CADM2: variants seen among roughly 807,000 people sequenced by gnomAD.
The protein encoded by CADM2 is immunoglobulin superfamily member 4D.
Under a neutral mutation model 49.8 loss-of-function variants are expected in CADM2, and 12 were observed. The ratio of observed to expected loss-of-function variants is 0.24; its 90% CI spans 0.15 to 0.39. The LOEUF is 0.39. CADM2 is among the 10% of genes least tolerant of loss of function. CADM2 has a pLI of 1.00. For missense variants in CADM2, 378 were observed against 492.3 expected (o/e 0.77, Z 2.20); for synonymous variants, 214 against 175.4 (o/e 1.22, Z -1.74).
At chr3:85,958,089 C>A (rs2108605553) in intron 7 of CADM2, among the ~76,000 whole-genome samples, 1 of 152,032 alleles carries the variant, frequency 6.6e-6, no homozygotes, top group East Asian at 2.0e-4. Context: ...GGAGCTTAAA[C>A]CAATTTACAA....
At chr3:85,423,299 G>A (rs1218988120) in intron 1 of CADM2, among the ~76,000 whole-genome samples, 1 of 152,060 alleles carries the variant, frequency 6.6e-6, no homozygotes, top group African/African-American at 2.4e-5. Context: ...GGGGAGGGGT[G>A]GTGGTGCGTG....
At chr3:85,152,431 G>A (rs1462376874) in intron 1 of CADM2, among the ~76,000 whole-genome samples, 1 of 152,122 alleles carries the variant, frequency 6.6e-6, no homozygotes, top group Non-Finnish European at 1.5e-5. Flanking sequence ...GGTGCTGACT[G>A]AGACGATTTC....
intron 7 of CADM2, among the ~76,000 whole-genome samples, chr3:85,961,261 C>T (rs1724778122): frequency 6.6e-6 from 1 of 151,442 alleles, no homozygotes; most frequent in Admixed American, 6.6e-5. Flanking sequence ...TACATATCTG[C>T]TTAGTTAAAT....
At chr3:85,136,489 T>G (rs2107619417) in intron 1 of CADM2, among the ~76,000 whole-genome samples, 1 of 152,072 alleles carries the variant, frequency 6.6e-6, no homozygotes, top group Non-Finnish European at 1.5e-5. Flanking sequence ...TACTTTGACA[T>G]ACAAACACAT....
chr3:85,023,506 T>G (rs1442717796), intron 1 of CADM2, among the ~76,000 whole-genome samples: 1 of 152,062 alleles, frequency 6.6e-6, no homozygotes, highest in East Asian at 1.9e-4. Context: ...TGGTATAGAT[T>G]GGATTTCTTG....
At chr3:85,776,196 A>T (rs1292053208) in intron 2 of CADM2, among the ~76,000 whole-genome samples, 1 of 151,934 alleles carries the variant, frequency 6.6e-6, no homozygotes, top group Non-Finnish European at 1.5e-5. Context: ...CACTCATTCT[A>T]GGCTTATTAT....
intron 1 of CADM2, among the ~76,000 whole-genome samples, chr3:85,469,412 C>G (rs555510908): frequency 6.6e-6 from 1 of 152,088 alleles, no homozygotes; most frequent in Admixed American, 6.6e-5. Context: ...ACAGAAAAGA[C>G]GGGCCCTGTG....
At chr3:85,365,369 G>A (rs888999389) in intron 1 of CADM2, among the ~76,000 whole-genome samples, 9 of 151,878 alleles carry the variant, frequency 5.9e-5, no homozygotes, top group Admixed American at 4.6e-4. Flanking sequence ...TTCAACAAAC[G>A]TACTTGAAGT....
chr3:85,931,478 T>C (rs1720582475), intron 6 of CADM2, among the ~76,000 whole-genome samples: 2 of 152,056 alleles, frequency 1.3e-5, no homozygotes, highest in African/African-American at 2.4e-5. Context: ...TACTTCCACT[T>C]ATTTAACAAT....
intron 1 of CADM2, among the ~76,000 whole-genome samples, chr3:85,564,167 TTCTCTCTCTCTCTC>T (rs3086193): frequency 1.1e-4 from 17 of 149,694 alleles, no homozygotes; most frequent in South Asian, 1.1e-3. Flanking sequence ...GAAAGCATGA[TTCTCTCTCTCTCTC>T]TCTCTCTCTC....
At chr3:85,553,694 G>T (rs1479702303) in intron 1 of CADM2, among the ~76,000 whole-genome samples, 1 of 152,196 alleles carries the variant, frequency 6.6e-6, no homozygotes, top group Non-Finnish European at 1.5e-5. Flanking sequence ...GATTCAGGAA[G>T]TCTTGTGTGG....
intron 8 of CADM2, among the ~76,000 whole-genome samples, chr3:85,998,316 T>C (rs1402834427): frequency 2.0e-5 from 3 of 152,214 alleles, no homozygotes; most frequent in Non-Finnish European, 4.4e-5. Context: ...TTGATAGTTT[T>C]ATGACATTTC....
intron 1 of CADM2, among the ~76,000 whole-genome samples, chr3:85,442,726 AT>A (rs909113343): frequency 4.0e-5 from 6 of 150,300 alleles, no homozygotes; most frequent in Non-Finnish European, 8.9e-5. Context: ...TAAATATAGT[AT>A]AAAAAAGTGA....
chr3:85,174,937 A>G (rs539630997), intron 1 of CADM2, among the ~76,000 whole-genome samples: 4 of 152,316 alleles, frequency 2.6e-5, no homozygotes, highest in Admixed American at 2.6e-4. Context: ...CAATACAACA[A>G]GCAAACTTTT....
chr3:85,060,309 G>A (rs1322825730), intron 1 of CADM2, among the ~76,000 whole-genome samples: 19 of 151,844 alleles, frequency 1.3e-4, no homozygotes, highest in Admixed American at 1.1e-3. Flanking sequence ...TGTATTTTTA[G>A]TAGAGACGGG....
chr3:85,602,239 A>G lies in CADM2; in HGVS notation c.62-124283A>G, dbSNP rs566352196. Among the ~76,000 whole-genome samples the G allele has an allele frequency of 5.9e-5, 9 of 151,922 alleles. No individual in the cohort carries two copies. The South Asian group carries it at 1.7e-3, about 28-fold the overall frequency. On this transcript the variant is annotated intron_variant, in intron 1 of 9. Transcript: ENST00000383699. Reference sequence around the variant, plus strand: ...TGTTCTAATGCTCCCTGTTTTTAGAATGTGTTTGAGAACTTAATTATCTTG... The same window carrying G: ...TGTTCTAATGCTCCCTGTTTTTAGAGTGTGTTTGAGAACTTAATTATCTTG...
intron 1 of CADM2, among the ~76,000 whole-genome samples, chr3:85,687,584 A>T (rs2066254120): frequency 6.6e-6 from 1 of 152,252 alleles, no homozygotes. Context: ...ATTAGTATAT[A>T]TATTATACAA....
At chr3:85,059,068 T>C (rs947488009) in intron 1 of CADM2, among the ~76,000 whole-genome samples, 1 of 151,830 alleles carries the variant, frequency 6.6e-6, no homozygotes, top group African/African-American at 2.4e-5. Context: ...TGAAACCCTG[T>C]CTCCACTAAA....
intron 1 of CADM2, among the ~76,000 whole-genome samples, chr3:85,335,740 C>T (rs1004076237): frequency 5.3e-5 from 8 of 151,350 alleles, no homozygotes; most frequent in South Asian, 2.1e-4. Flanking sequence ...CATATGTCTG[C>T]CATAATCTAT....
Sources: gnomAD v4.1 joint callset for allele counts (sites outside exome capture counted in the v4.1 genomes callset) on GRCh38, gnomAD v4.1.1 for gene constraint, MANE v1.5 for transcripts, NCBI Gene and HGNC (gene_info 2026-07-23, HGNC 2026-07-21) for gene names.